NLRP8: variants seen among roughly 807,000 people sequenced by gnomAD.
NLRP8 encodes NLR family pyrin domain containing 8, also known as NACHT, LRR and PYD domains-containing protein 8.
A neutral mutation model predicts 88.7 loss-of-function variants in NLRP8; 86 were observed. The observed-to-expected ratio is 0.97, with a 90% CI of 0.81 to 1.16. NLRP8 has a LOEUF of 1.16. NLRP8 is among the 50% of genes most tolerant of loss of function. The pLI is 0.00. For missense variants in NLRP8, 1,342 were observed against 1,286.5 expected (o/e 1.04, Z -0.66); for synonymous variants, 504 against 494.6 (o/e 1.02, Z -0.25).
intron 9 of NLRP8, among the ~76,000 whole-genome samples, chr19:55,987,132 G>A (rs1405270788): frequency 1.3e-5 from 2 of 152,230 alleles, no homozygotes; most frequent in Non-Finnish European, 2.9e-5. Context: ...ACTTTGGGAG[G>A]CCGAGGCAGG....
At chr19:55,970,046 G>A (rs142893665) in intron 5 of NLRP8, among the ~76,000 whole-genome samples, 261 of 152,266 alleles carry the variant, frequency 1.7e-3, no homozygotes, top group African/African-American at 6.2e-3. Flanking sequence ...AATAAGCATT[G>A]AGGTCTATTG....
rs1979258533 is a variant in NLRP8, at chr19:55,954,815, G to A, written c.757G>A (p.Asp253Asn). The stretch of plus-strand genomic sequence containing the variant: ...TTGCCAAGAGGTGAACCAGACGACA[G>A]ACCAGAGCTTCTCCGAGCTGATTGA... Residue 253 changes from aspartate (D) to asparagine (N), a missense_variant, in exon 3 of 10, where the codon GAC (aspartate) becomes AAC (asparagine). Asp to Asn is a conservative substitution (Grantham distance 23, BLOSUM62 1). Transcript: ENST00000291971. 1.2e-6 allele frequency: 2 copies of A among 1,614,086 alleles called. No individual in the cohort carries two copies. The highest frequency in any genetic ancestry group is 2.2e-5 in the South Asian group (2 of 91,082).
In NLRP8 at chr19:55,986,468, T is replaced by A. The variant is rs62121136; in HGVS notation, c.3048-1346T>A. On this transcript the variant is annotated intron_variant, in intron 9 of 9. Coordinates refer to ENST00000291971, the MANE Select transcript of NLRP8 (RefSeq NM_176811.2). ...CTCTCTCTCTCACACACACACTCTC[T>A]CACATACACACACACACACACACAC... Among the ~76,000 whole-genome samples the A allele has an allele frequency of 6.1e-3, 157 of 25,668 alleles. 1 individual carries two copies. Among genetic ancestry groups the A allele is most frequent in the Admixed American group, 0.026 (51 of 1,950 alleles). The allele number at this position is 25,668 out of a possible 152,430, so 16.8% of individuals were successfully genotyped here.
intron 5 of NLRP8, among the ~76,000 whole-genome samples, chr19:55,969,837 G>T (rs1220885198): frequency 6.6e-6 from 1 of 152,176 alleles, no homozygotes; most frequent in African/African-American, 2.4e-5. Context: ...GAAAGCTCAG[G>T]TGGCTGGAAC....
intron 8 of NLRP8, among the ~76,000 whole-genome samples, chr19:55,976,617 C>A (rs1980338588): frequency 6.6e-6 from 1 of 151,764 alleles, no homozygotes; most frequent in South Asian, 2.1e-4. Context: ...TAAAAGATAA[C>A]AAAGAGTTTG....
intron 5 of NLRP8, among the ~76,000 whole-genome samples, chr19:55,966,740 C>A (rs541453964): frequency 6.6e-6 from 1 of 151,970 alleles, no homozygotes; most frequent in African/African-American, 2.4e-5. Flanking sequence ...TGCTTCAGCC[C>A]GGTAGGTGGT....
At chr19:55,952,653 G>T in intron 2 of NLRP8, 41 bp downstream of exon 2, 1 of 1,538,202 alleles carries the variant, frequency 6.5e-7, no homozygotes, top group Non-Finnish European at 9.0e-7. Context: ...GAAAAAATGG[G>T]CTATGGACTG....
chr19:55,951,501 T>C lies in NLRP8; in HGVS notation c.368-1037T>C, dbSNP rs1979093096. Among the ~76,000 whole-genome samples the C allele has an allele frequency of 2.6e-5, 4 of 152,360 alleles. No individual in the cohort carries two copies. The South Asian group carries it at 8.3e-4, about 32-fold the overall frequency. On this transcript the variant is annotated intron_variant, in intron 1 of 9. Coordinates refer to ENST00000291971, the MANE Select transcript of NLRP8 (RefSeq NM_176811.2). ...GTATGTGTATGTAGAGATATACACGTGTATGTACACATATGTGCACACATA... is the reference window on the plus strand; with the variant it reads ...GTATGTGTATGTAGAGATATACACGCGTATGTACACATATGTGCACACATA...
chr19:55,955,737 T>C lies in NLRP8; in HGVS notation c.1679T>C (p.Phe560Ser), dbSNP rs770580096. The change falls in exon 3 of 10, where the codon TTC (phenylalanine) becomes TCC (serine). Residue 560 changes from phenylalanine (F) to serine (S), a missense_variant. Coordinates refer to ENST00000291971, the MANE Select transcript of NLRP8 (RefSeq NM_176811.2). The stretch of plus-strand genomic sequence containing the variant: ...CTCTCTCACATGGGACTTTTCTTAT[T>C]CGGTTTTCTGAACGAGGCCTGCGCT... 6.2e-7 allele frequency: 1 copy of C among 1,614,112 alleles called. No individual in the cohort carries two copies. Among genetic ancestry groups the C allele is most frequent in the Admixed American group, 1.7e-5 (1 of 60,004 alleles).
rs1980027636 is a variant in NLRP8, at chr19:55,970,530, T to A, written c.2382-14T>A. The A allele has an allele frequency of 6.2e-7, 1 of 1,613,454 alleles. No individual in the cohort carries two copies. Among genetic ancestry groups the A allele is most frequent in the African/African-American group, 1.3e-5 (1 of 74,884 alleles). On this transcript the variant is annotated splice_polypyrimidine_tract_variant and intron_variant, in intron 5 of 9. Transcript: ENST00000291971. The stretch of plus-strand genomic sequence containing the variant: ...CCAGAACCATGGCTCAGCATTTGTA[T>A]CTGGCTTCTACAGGTTGGAAGACTG...
chr19:55,950,993 G>A (rs532398273), intron 1 of NLRP8, among the ~76,000 whole-genome samples: 14 of 152,270 alleles, frequency 9.2e-5, no homozygotes, highest in African/African-American at 3.1e-4. Flanking sequence ...CAGAAGAATC[G>A]CTTGAACCCA....
chr19:55,987,964 C>G lies in NLRP8; in HGVS notation c.*51C>G. On this transcript the variant is annotated 3_prime_UTR_variant, in exon 10 of 10. Transcript: ENST00000291971. ...CTTGATTGATCAGTTCCCACTCTGA[C>G]AACTGGCAAATACCAGGCGTTATCA... 7.1e-7 allele frequency: 1 copy of G among 1,415,726 alleles called. No homozygotes were observed. Among genetic ancestry groups the G allele is most frequent in the Non-Finnish European group, 1.0e-6 (1 of 999,656 alleles). The allele number at this position is 1,415,726 out of a possible 1,614,324, so 87.7% of individuals were successfully genotyped here.
intron 9 of NLRP8, among the ~76,000 whole-genome samples, 181 bp downstream of exon 9, chr19:55,979,745 T>C (rs958153814): frequency 2.0e-5 from 3 of 152,008 alleles, no homozygotes; most frequent in Non-Finnish European, 1.5e-5. Flanking sequence ...TGCAAAACCC[T>C]GTCTTCTACT....
chr19:55,956,165 G>C lies in NLRP8; in HGVS notation c.2042+65G>C. ...CGGAGGCCTTGACTATGGTGTCCCG[G>C]GTGTTTAGGGGGTCAATCTGCAAAC... On this transcript the variant is annotated intron_variant, in intron 3 of 9. Coordinates refer to ENST00000291971, the MANE Select transcript of NLRP8 (RefSeq NM_176811.2). The C allele has an allele frequency of 2.0e-6, 3 of 1,476,950 alleles. No individual in the cohort carries two copies. In the South Asian group the frequency reaches 4.0e-5, roughly 20 times the overall value. The allele number at this position is 1,476,950 out of a possible 1,614,324, so 91.5% of individuals were successfully genotyped here.
chr19:55,954,607 C>T lies in NLRP8; in HGVS notation c.549C>T (p.His183=). ...GGGACTTCTTCTACCAAGGTGTACA[C>T]AGGCACGAGGAGTACTTACCATGTC... is the stretch of plus-strand genomic sequence containing the variant. Residue 183 remains histidine, a synonymous_variant, in exon 3 of 10, where the codon CAC becomes CAT. Transcript: ENST00000291971. 6.2e-7 allele frequency: 1 copy of T among 1,614,176 alleles called. No homozygotes were observed. Among genetic ancestry groups the T allele is most frequent in the Non-Finnish European group, 8.5e-7 (1 of 1,180,040 alleles).
intron 8 of NLRP8, among the ~76,000 whole-genome samples, chr19:55,976,752 C>A (rs1055712085): frequency 2.0e-5 from 3 of 149,548 alleles, no homozygotes; most frequent in Non-Finnish European, 3.0e-5. Flanking sequence ...AAAGATGTAT[C>A]TAAAGATACA....
At chr19:55,969,274 C>A (rs1285786357) in intron 5 of NLRP8, among the ~76,000 whole-genome samples, 11 of 152,202 alleles carry the variant, frequency 7.2e-5, no homozygotes, top group Admixed American at 6.5e-4. Flanking sequence ...TTCACCCCAA[C>A]CACAAGTCCC....
At chr19:55,963,366 C>T (rs1979699322) in intron 4 of NLRP8, among the ~76,000 whole-genome samples, 1 of 152,192 alleles carries the variant, frequency 6.6e-6, no homozygotes. Context: ...TATCTAAGAT[C>T]CTGTGGCTGA....
intron 9 of NLRP8, among the ~76,000 whole-genome samples, chr19:55,986,280 T>TCACACA (rs1568471629): frequency 2.0e-5 from 3 of 151,474 alleles, no homozygotes; most frequent in African/African-American, 7.3e-5. Flanking sequence ...CAACACACAC[T>TCACACA]CACACTCACA....
Sources: gnomAD v4.1 joint callset for allele counts (sites outside exome capture counted in the v4.1 genomes callset) on GRCh38, gnomAD v4.1.1 for gene constraint, MANE v1.5 for transcripts, NCBI Gene and HGNC (gene_info 2026-07-23, HGNC 2026-07-21) for gene names.